Variants in ADGRV1 observed in about 807,000 individuals in gnomAD.
The protein encoded by ADGRV1 is G-protein coupled receptor 98.
ADGRV1 carries 359 observed loss-of-function variants against 596.2 expected under a neutral mutation model. The observed-to-expected ratio is 0.60, with a 90% CI of 0.55 to 0.66. The LOEUF is 0.66. ADGRV1 is among the 30% of genes least tolerant of loss of function. The pLI, the probability that ADGRV1 is intolerant of heterozygous loss-of-function variation, is 0.00. For synonymous variants in ADGRV1, 2,681 were observed against 2,679.2 expected (o/e 1.00, Z -0.02); for missense variants, 7,274 against 7,575.6 (o/e 0.96, Z 1.48).
intron 87 of ADGRV1, among the ~76,000 whole-genome samples, chr5:91,147,873 A>G (rs1795688337): frequency 6.6e-6 from 1 of 152,166 alleles, no homozygotes; most frequent in Non-Finnish European, 1.5e-5. Flanking sequence ...AACTTCCTAG[A>G]GATTTGTTGA....
chr5:90,880,623 GACTTT>G (rs1240444315), intron 83 of ADGRV1, among the ~76,000 whole-genome samples: 1 of 152,132 alleles, frequency 6.6e-6, no homozygotes, highest in Non-Finnish European at 1.5e-5. Context: ...TAGTAGTTGG[GACTTT>G]ACTTTCCAGT....
chr5:91,134,696 C>T (rs1290949465), intron 87 of ADGRV1, among the ~76,000 whole-genome samples: 3 of 152,012 alleles, frequency 2.0e-5, no homozygotes, highest in African/African-American at 7.2e-5. Context: ...GTTAAGATTA[C>T]TTTTTCAGAG....
intron 85 of ADGRV1, among the ~76,000 whole-genome samples, chr5:90,994,017 A>T (rs1581735199): frequency 6.9e-6 from 1 of 144,656 alleles, no homozygotes; most frequent in African/African-American, 2.5e-5. Context: ...ATTGTTTGGC[A>T]TCATTAGTGA....
intron 89 of ADGRV1, among the ~76,000 whole-genome samples, chr5:91,153,965 T>G (rs1796264441): frequency 6.6e-6 from 1 of 152,232 alleles, no homozygotes; most frequent in African/African-American, 2.4e-5. Context: ...AGAAACATGC[T>G]AAGGCAATAA....
At chr5:90,743,523 GA>G (rs1754233075) in intron 50 of ADGRV1, among the ~76,000 whole-genome samples, 1 of 142,916 alleles carries the variant, frequency 7.0e-6, no homozygotes. Flanking sequence ...CCAGGCTAGA[GA>G]GCAGTGGCAC....
rs59188967 is a variant in ADGRV1 at position 90,637,470 on chromosome 5, TAG to T, written c.2017-253_2017-252del. On this transcript the variant is annotated intron_variant, in intron 10 of 89. Coordinates refer to ENST00000405460, the MANE Select transcript of ADGRV1 (RefSeq NM_032119.4). ...GCCTTTTATTAAGGCAAACCCAGAT[TAG>T]ACACATTTTTGGGTGAGGGTAGTTT... Among the ~76,000 whole-genome samples, 42,361 of 151,984 alleles carry T rather than the reference TAG, an allele frequency of 0.28. 7,322 individuals are homozygous for T. The highest frequency in any genetic ancestry group is 0.47 in the Admixed American group (7,135 of 15,250).
intron 75 of ADGRV1, among the ~76,000 whole-genome samples, chr5:90,822,498 T>C (rs1763657736): frequency 6.6e-6 from 1 of 152,198 alleles, no homozygotes; most frequent in Non-Finnish European, 1.5e-5. Flanking sequence ...ATCTCTGTTT[T>C]GGTACCAGTA....
intron 1 of ADGRV1, among the ~76,000 whole-genome samples, chr5:90,598,496 T>C (rs73179739): frequency 0.078 from 11,842 of 152,194 alleles, 1,541 homozygotes; most frequent in African/African-American, 0.27. Context: ...AGAAAGCACA[T>C]ACAGAGTACG....
At position 91,093,484 on chromosome 5, in the gene ADGRV1, A is replaced by G. The variant is rs559762053; in HGVS notation, c.18311-8735A>G. ...GTCATATCGACAAGTCACATCAACA[A>G]TTCTTTTATTGAACAAACATTAAGT... is the stretch of plus-strand genomic sequence containing the variant. On this transcript the variant is annotated intron_variant, in intron 86 of 89. Transcript: ENST00000405460. Among the ~76,000 whole-genome samples the G allele has an allele frequency of 1.4e-4, 21 of 152,372 alleles. No homozygotes were observed. In the South Asian group the frequency reaches 2.7e-3, roughly 20 times the overall value.
At chr5:90,818,119 A>G (rs1333599505) in intron 75 of ADGRV1, among the ~76,000 whole-genome samples, 1 of 147,860 alleles carries the variant, frequency 6.8e-6, no homozygotes, top group African/African-American at 2.5e-5. Flanking sequence ...CTCCTTGAAG[A>G]GGTCCTTCAC....
At chr5:90,744,136 T>C (rs1754333346) in intron 50 of ADGRV1, among the ~76,000 whole-genome samples, 1 of 151,894 alleles carries the variant, frequency 6.6e-6, no homozygotes, top group African/African-American at 2.4e-5. Flanking sequence ...CCGCAGGTGC[T>C]TGCCACCATG....
chr5:90,719,690 TG>T (rs1166534086), intron 43 of ADGRV1, among the ~76,000 whole-genome samples: 1 of 152,224 alleles, frequency 6.6e-6, no homozygotes, highest in Non-Finnish European at 1.5e-5. Flanking sequence ...TGACTACAAA[TG>T]TTTTTTTAAC....
intron 83 of ADGRV1, among the ~76,000 whole-genome samples, chr5:90,958,096 C>G (rs1318555375): frequency 6.6e-6 from 1 of 151,192 alleles, no homozygotes; most frequent in Admixed American, 6.6e-5. Flanking sequence ...GGCAACATGC[C>G]AAAGCCCTGA....
intron 1 of ADGRV1, among the ~76,000 whole-genome samples, chr5:90,611,727 A>G (rs1398491924): frequency 6.6e-6 from 1 of 152,006 alleles, no homozygotes; most frequent in Non-Finnish European, 1.5e-5. Flanking sequence ...CTAGTAAGAG[A>G]AAAAAATGAC....
At chr5:90,914,897 C>T (rs778705864) in intron 83 of ADGRV1, among the ~76,000 whole-genome samples, 2 of 152,088 alleles carry the variant, frequency 1.3e-5, no homozygotes, top group Non-Finnish European at 2.9e-5. Context: ...TCTAAGTAAC[C>T]ACTGGAGCAT....
intron 77 of ADGRV1, among the ~76,000 whole-genome samples, chr5:90,832,832 C>G (rs1021736558): frequency 6.6e-6 from 1 of 152,162 alleles, no homozygotes; most frequent in Admixed American, 6.5e-5. Flanking sequence ...CCCAGATTTC[C>G]CGGAACCATT....
At position 90,774,303 on chromosome 5, in the gene ADGRV1, G is replaced by A; in HGVS notation, c.12403G>A (p.Gly4135Ser). 6.7e-7 allele frequency: 1 copy of A among 1,487,854 alleles called. No homozygotes were observed. The highest frequency in any genetic ancestry group is 1.4e-5 in the African/African-American group (1 of 72,514). 92.2% of individuals were successfully genotyped at this position (1,487,854 alleles called of 1,614,324 possible). A position where few individuals can be genotyped will look rare whatever the true frequency, so the allele number is the denominator to read the frequency against. ...TGAGGTAGAAATATCTCCAGTAAAA[G>A]GTAAGAGAAATTCACATTTTTGGAA... ...IDEVEISPVK[G>S]SASIIIRGDK... The change falls in exon 60 of 90, where the codon GGT (glycine) becomes AGT (serine). Residue 4135 changes from glycine to serine, a missense_variant and splice_region_variant. This residue lies in a region of ADGRV1 where 3,643 missense variants were observed against 3,809.2 expected (regional missense o/e 0.96). Transcript: ENST00000405460.
At chr5:90,817,930 GT>G (rs1188334934) in intron 75 of ADGRV1, among the ~76,000 whole-genome samples, 1 of 152,114 alleles carries the variant, frequency 6.6e-6, no homozygotes, top group African/African-American at 2.4e-5. Context: ...CTTTAAAGTA[GT>G]TTTTTCCAAT....
rs1745267373 is a variant in ADGRV1 at position 90,683,915 on chromosome 5, A to C, written c.5994A>C (p.Thr1998=). The change falls in exon 28 of 90, where the codon ACA becomes ACC. Residue 1998 remains threonine, a synonymous_variant. Coordinates refer to ENST00000405460, the MANE Select transcript of ADGRV1 (RefSeq NM_032119.4). ...TTGAGGAAGCAACCCAGAACATCACACTATCAATAATAAGGTTGAAAGGCC... is the reference window on the plus strand; with the variant it reads ...TTGAGGAAGCAACCCAGAACATCACCCTATCAATAATAAGGTTGAAAGGCC... ...VKVEEATQNI[T]LSIIRLKGLM... The C allele has an allele frequency of 6.2e-7, 1 of 1,613,736 alleles. No individual in the cohort carries two copies. Among genetic ancestry groups the C allele is most frequent in the African/African-American group, 1.3e-5 (1 of 75,034 alleles).
Sources: allele counts gnomAD v4.1 joint callset (sites outside exome capture counted in the v4.1 genomes callset), GRCh38; gene constraint gnomAD v4.1.1; regional missense constraint gnomAD v4.1.1; transcripts MANE v1.5; gene names NCBI Gene and HGNC (gene_info 2026-07-23, HGNC 2026-07-21).